PDPN: variants seen among roughly 807,000 people sequenced by gnomAD.
The protein encoded by PDPN is podoplanin, also known as PA2.26 antigen.
Under a neutral mutation model 23.2 loss-of-function variants are expected in PDPN, and 12 were observed. The observed-to-expected ratio is 0.52, with a 90% CI of 0.33 to 0.84. The LOEUF is 0.84. Ranked by LOEUF, PDPN falls within the 40% of genes least tolerant of loss-of-function variation. The pLI, the probability that PDPN is intolerant of heterozygous loss-of-function variation, is 0.02. For synonymous variants in PDPN, 77 were observed against 76.7 expected (o/e 1.00, Z -0.02); for missense variants, 199 against 212.2 (o/e 0.94, Z 0.39).
intron 1 of PDPN, among the ~76,000 whole-genome samples, chr1:13,600,207 C>T (rs952777819): frequency 2.0e-5 from 3 of 152,034 alleles, no homozygotes; most frequent in Non-Finnish European, 4.4e-5. Flanking sequence ...ATCTCAGAAC[C>T]CAGGGAGGGA....
At position 13,610,479 on chromosome 1, in the gene PDPN, C is replaced by T. The variant is rs34384359; in HGVS notation, c.294C>T (p.Ser98=). 9.6e-3 allele frequency: 15,443 copies of T among 1,613,854 alleles called. 79 individuals carry two copies. Among genetic ancestry groups the T allele is most frequent in the Non-Finnish European group, 0.012 (13,609 of 1,179,826 alleles). ...STVHAQEQSP[S]ATASNVATSH... is the part of the protein sequence containing the mutation. Reference sequence around the variant, plus strand: ...TCCACGCGCAAGAACAAAGTCCAAGCGCCACAGCCTCAAACGTGGCCACCA... The same window carrying T: ...TCCACGCGCAAGAACAAAGTCCAAGTGCCACAGCCTCAAACGTGGCCACCA... Residue 98 remains serine, a synonymous_variant, in exon 3 of 6, where the codon AGC becomes AGT. Coordinates refer to ENST00000621990, the MANE Select transcript of PDPN (RefSeq NM_006474.5).
intron 1 of PDPN, chr1:13,596,041 T>C (rs970292756): frequency 5.3e-5 from 19 of 360,376 alleles, no homozygotes; most frequent in African/African-American, 3.0e-4. Context: ...CTACTAAAAA[T>C]ACAAAAAATT....
At chr1:13,585,459 T>C in intron 1 of PDPN, 1 of 1,315,226 alleles carries the variant, frequency 7.6e-7, no homozygotes, top group Non-Finnish European at 1.0e-6. Flanking sequence ...CAGTTACATT[T>C]CCTTTTTGGC....
chr1:13,594,375 T>G (rs1007952802), intron 1 of PDPN, among the ~76,000 whole-genome samples: 19 of 152,258 alleles, frequency 1.2e-4, no homozygotes, highest in African/African-American at 4.6e-4. Flanking sequence ...GGGCACTGAT[T>G]GAGCTAAAAG....
chr1:13,595,476 G>T (rs892383141), intron 1 of PDPN, among the ~76,000 whole-genome samples: 11 of 152,170 alleles, frequency 7.2e-5, no homozygotes, highest in Non-Finnish European at 1.5e-4. Context: ...AGCAAACTCT[G>T]GGGCAGGGGG....
chr1:13,612,768 G>A lies in PDPN; in HGVS notation c.332-919G>A, dbSNP rs145614879. ...CAAACCCAACCATTAGAAAAAGTAG[G>A]CATCTTTTACATGATAGTTGGCTAG... On this transcript the variant is annotated intron_variant, in intron 3 of 5. Coordinates refer to ENST00000621990, the MANE Select transcript of PDPN (RefSeq NM_006474.5). Among the ~76,000 whole-genome samples, 4 of 152,202 alleles carry A rather than the reference G, an allele frequency of 2.6e-5. No homozygotes were observed. In the East Asian group the frequency reaches 7.7e-4, roughly 29 times the overall value.
chr1:13,585,601 T>C (rs1438268153), intron 1 of PDPN: 21 of 1,351,934 alleles, frequency 1.6e-5, no homozygotes, highest in Non-Finnish European at 2.1e-5. Flanking sequence ...AGGGAAGCTT[T>C]AGCTGTGATT....
chr1:13,593,573 A>G (rs1640411432), intron 1 of PDPN, among the ~76,000 whole-genome samples: 1 of 152,330 alleles, frequency 6.6e-6, no homozygotes, highest in South Asian at 2.1e-4. Context: ...GGAAACGGCC[A>G]CATTCTGCAC....
At chr1:13,610,824 G>A (rs1034206801) in intron 3 of PDPN, among the ~76,000 whole-genome samples, 5 of 152,174 alleles carry the variant, frequency 3.3e-5, no homozygotes, top group Non-Finnish European at 7.3e-5. Context: ...ACTTTGTGTT[G>A]ACACCCAAGG....
At chr1:13,610,298 G>A in intron 2 of PDPN, 89 bp from the exon 3 acceptor site, 1 of 1,082,476 alleles carries the variant, frequency 9.2e-7, no homozygotes, top group East Asian at 2.5e-5. Flanking sequence ...ATATTTTTAT[G>A]CCACCTTAAA....
intron 1 of PDPN, among the ~76,000 whole-genome samples, chr1:13,598,037 T>C (rs1640543250): frequency 6.6e-6 from 1 of 152,000 alleles, no homozygotes; most frequent in African/African-American, 2.4e-5. Context: ...TCCTTTCTTT[T>C]CTTTCGTCTC....
chr1:13,589,630 C>G (rs1261027), intron 1 of PDPN, among the ~76,000 whole-genome samples: 21,438 of 152,002 alleles, frequency 0.14, 1,924 homozygotes, highest in East Asian at 0.47. Flanking sequence ...CACACAGACA[C>G]GGAGCTTGTA....
At chr1:13,600,696 A>G (rs1339129403) in intron 1 of PDPN, among the ~76,000 whole-genome samples, 1 of 152,200 alleles carries the variant, frequency 6.6e-6, no homozygotes, top group African/African-American at 2.4e-5. Flanking sequence ...TGTTAAAGAA[A>G]CACTAATTCT....
chr1:13,610,576 A>G (rs766273319), intron 3 of PDPN, 60 bp downstream of exon 3: 27 of 1,551,542 alleles, frequency 1.7e-5, no homozygotes, highest in East Asian at 2.3e-5. Flanking sequence ...GGTGCATTCC[A>G]AAGTCCATCA....
rs780858085 is a variant in PDPN, at chr1:13,613,744, T to A, written c.370+19T>A. 1 of 1,391,708 alleles carries A rather than the reference T, an allele frequency of 7.2e-7. No homozygotes were observed. Among genetic ancestry groups the A allele is most frequent in the Non-Finnish European group, 1.0e-6 (1 of 978,756 alleles). The allele number at this position is 1,391,708 out of a possible 1,614,324, so 86.2% of individuals were successfully genotyped here. ...GAGAAAGGTAGGCTAGATTTTGGCA[T>A]CAAAATACTCTTACTGGGGTTTTTT... On this transcript the variant is annotated intron_variant, in intron 4 of 5. Coordinates refer to ENST00000621990, the MANE Select transcript of PDPN (RefSeq NM_006474.5).
At chr1:13,612,287 G>A (rs1276340061) in intron 3 of PDPN, among the ~76,000 whole-genome samples, 1 of 152,178 alleles carries the variant, frequency 6.6e-6, no homozygotes, top group Non-Finnish European at 1.5e-5. Flanking sequence ...ATACGATGAC[G>A]TGCACATGTA....
chr1:13,593,974 T>G (rs1374710817), intron 1 of PDPN, among the ~76,000 whole-genome samples: 2 of 152,208 alleles, frequency 1.3e-5, no homozygotes, highest in Non-Finnish European at 2.9e-5. Flanking sequence ...ATGTTCTGCT[T>G]TGGTCAAGAG....
intron 2 of PDPN, among the ~76,000 whole-genome samples, chr1:13,608,635 C>A (rs1271067826): frequency 1.3e-5 from 2 of 151,998 alleles, no homozygotes; most frequent in South Asian, 4.2e-4. Flanking sequence ...AGCTCAGAGT[C>A]GCAGAGAAAA....
chr1:13,614,980 G>C, intron 5 of PDPN: 1 of 342,270 alleles, frequency 2.9e-6, no homozygotes, highest in Non-Finnish European at 5.7e-6. Flanking sequence ...AACTGAACTT[G>C]GAAGAAAACC....
Sources: gnomAD v4.1 joint callset for allele counts (sites outside exome capture counted in the v4.1 genomes callset) on GRCh38, gnomAD v4.1.1 for gene constraint, MANE v1.5 for transcripts, NCBI Gene and HGNC (gene_info 2026-07-23, HGNC 2026-07-21) for gene names.